The following SPAG16 variants were observed in gnomAD, a reference collection of about 807,000 sequenced individuals.
The protein encoded by SPAG16 is sperm associated antigen 16.
Under a neutral mutation model 80.4 loss-of-function variants are expected in SPAG16, and 86 were observed. The ratio of observed to expected loss-of-function variants is 1.07; its 90% CI spans 0.90 to 1.28. The LOEUF is 1.28. SPAG16 is among the 50% of genes most tolerant of loss of function. SPAG16 has a pLI of 0.00. For missense variants in SPAG16, 870 were observed against 765.3 expected, an observed-to-expected ratio of 1.14 and a Z score of -1.61; for synonymous variants, 294 against 265.9, an observed-to-expected ratio of 1.11 and a Z score of -1.03.
At position 213,312,460 on chromosome 2, in the gene SPAG16, A is replaced by C. The variant is rs74605217; in HGVS notation, c.398+2283A>C. On this transcript the variant is annotated intron_variant, in intron 4 of 15. Coordinates refer to ENST00000331683, the MANE Select transcript of SPAG16 (RefSeq NM_024532.5). ...TCCTACACTGACTGTTCCCCTATTA[A>C]CATTGTCAGAACTACTCACCCTAAA... Among the ~76,000 whole-genome samples the C allele has an allele frequency of 8.7e-3, 1,319 of 151,762 alleles. 17 individuals carry two copies. The highest frequency in any genetic ancestry group is 0.03 in the African/African-American group (1,226 of 41,510).
chr2:214,053,297 C>G (rs373225010), intron 13 of SPAG16, among the ~76,000 whole-genome samples: 16 of 152,138 alleles, frequency 1.1e-4, no homozygotes, highest in African/African-American at 3.6e-4. Flanking sequence ...ATCTTCTTAA[C>G]TAGAACAAAA....
At chr2:213,433,221 A>G (rs1275998920) in intron 9 of SPAG16, among the ~76,000 whole-genome samples, 2 of 152,136 alleles carry the variant, frequency 1.3e-5, no homozygotes, top group African/African-American at 2.4e-5. Flanking sequence ...ACTTTGGCCA[A>G]TCCTATTCAA....
chr2:214,274,092 CTGTT>C (rs1363340592), intron 15 of SPAG16, among the ~76,000 whole-genome samples: 6 of 152,112 alleles, frequency 3.9e-5, no homozygotes, highest in Non-Finnish European at 7.4e-5. Context: ...ATTTGGCTCT[CTGTT>C]TGTCTGTTAT....
At chr2:213,790,343 C>G (rs746012120) in intron 10 of SPAG16, among the ~76,000 whole-genome samples, 7 of 151,880 alleles carry the variant, frequency 4.6e-5, no homozygotes, top group Non-Finnish European at 1.0e-4. Flanking sequence ...TATTTAGGTT[C>G]AAGTCCAGTG....
chr2:213,755,716 T>C (rs1402384897), intron 10 of SPAG16, among the ~76,000 whole-genome samples: 3 of 152,166 alleles, frequency 2.0e-5, no homozygotes, highest in Non-Finnish European at 4.4e-5. Context: ...ATGATAATGA[T>C]GACTGAGATG....
chr2:214,265,388 C>G (rs1289760073), intron 15 of SPAG16, among the ~76,000 whole-genome samples: 1 of 152,012 alleles, frequency 6.6e-6, no homozygotes, highest in Admixed American at 6.6e-5. Context: ...TGCTTATTTG[C>G]CATCTGTGTA....
intron 13 of SPAG16, among the ~76,000 whole-genome samples, chr2:214,039,928 G>T (rs2048917144): frequency 6.6e-6 from 1 of 152,174 alleles, no homozygotes; most frequent in Admixed American, 6.5e-5. Flanking sequence ...GCCTAGGGTT[G>T]CTTGCAGCTG....
chr2:213,748,429 T>A (rs1451324030), intron 10 of SPAG16, among the ~76,000 whole-genome samples: 2 of 152,066 alleles, frequency 1.3e-5, no homozygotes, highest in Non-Finnish European at 2.9e-5. Context: ...TTTATGTTCT[T>A]TTCCAAGTCT....
chr2:214,143,031 C>T (rs146297485), intron 14 of SPAG16, among the ~76,000 whole-genome samples: 3 of 152,188 alleles, frequency 2.0e-5, no homozygotes, highest in African/African-American at 7.2e-5. Context: ...CTCTTCAAGG[C>T]CTCATACTTT....
At chr2:213,720,800 C>A (rs1438146183) in intron 10 of SPAG16, among the ~76,000 whole-genome samples, 6 of 120,444 alleles carry the variant, frequency 5.0e-5, no homozygotes, top group African/African-American at 1.3e-4. Context: ...GGCTGGAGTG[C>A]AATGGCACGA....
chr2:213,496,576 T>G (rs1055956177), intron 10 of SPAG16, among the ~76,000 whole-genome samples: 4 of 152,056 alleles, frequency 2.6e-5, no homozygotes, highest in Admixed American at 2.0e-4. Flanking sequence ...ACTAAGTAGC[T>G]TTTACTGTGA....
At chr2:214,044,934 C>A (rs1369559039) in intron 13 of SPAG16, among the ~76,000 whole-genome samples, 1 of 152,124 alleles carries the variant, frequency 6.6e-6, no homozygotes, top group Admixed American at 6.5e-5. Flanking sequence ...TGCTCTGGGG[C>A]CCTAAATAAA....
At chr2:214,185,853 C>A (rs1028047620) in intron 15 of SPAG16, among the ~76,000 whole-genome samples, 4 of 152,136 alleles carry the variant, frequency 2.6e-5, no homozygotes, top group Non-Finnish European at 4.4e-5. Context: ...AAGATATGCC[C>A]TTTTAGCCTT....
At chr2:214,013,407 C>T (rs1029233423) in intron 12 of SPAG16, among the ~76,000 whole-genome samples, 10 of 152,036 alleles carry the variant, frequency 6.6e-5, no homozygotes, top group African/African-American at 1.7e-4. Context: ...CCATAGTCAC[C>T]CTACTGTGCA....
chr2:213,732,330 G>GCC (rs369112629), intron 10 of SPAG16, among the ~76,000 whole-genome samples: 294 of 80,626 alleles, frequency 3.6e-3, no homozygotes, highest in African/African-American at 9.7e-3. Context: ...ATTCACGATT[G>GCC]CCCCCCCCGC....
At chr2:213,494,989 C>T (rs574330640) in intron 10 of SPAG16, among the ~76,000 whole-genome samples, 1 of 152,336 alleles carries the variant, frequency 6.6e-6, no homozygotes, top group South Asian at 2.1e-4. Context: ...CTCAGAGAGG[C>T]AGTGCCTGAA....
intron 10 of SPAG16, among the ~76,000 whole-genome samples, chr2:213,729,765 G>A (rs2066942229): frequency 6.6e-6 from 1 of 152,172 alleles, no homozygotes; most frequent in Non-Finnish European, 1.5e-5. Context: ...GGCAAGCAAA[G>A]ACATTTGTTT....
intron 15 of SPAG16, among the ~76,000 whole-genome samples, chr2:214,384,212 G>A (rs1440334487): frequency 6.6e-6 from 1 of 152,162 alleles, no homozygotes; most frequent in Non-Finnish European, 1.5e-5. Flanking sequence ...GAAAGGACTT[G>A]CTATTCATGA....
At chr2:213,565,367 T>C (rs772907318) in intron 10 of SPAG16, among the ~76,000 whole-genome samples, 4 of 152,258 alleles carry the variant, frequency 2.6e-5, no homozygotes, top group Non-Finnish European at 5.9e-5. Flanking sequence ...ATATAGACTT[T>C]TGCTTCCAGC....
Sources: allele counts gnomAD v4.1 joint callset (sites outside exome capture counted in the v4.1 genomes callset), GRCh38; gene constraint gnomAD v4.1.1; transcripts MANE v1.5; gene names NCBI Gene and HGNC (gene_info 2026-07-23, HGNC 2026-07-21).